RTCB: variants seen among roughly 807,000 people sequenced by gnomAD.
RTCB encodes the protein RNA 2',3'-cyclic phosphate and 5'-OH ligase.
RTCB carries 32 observed loss-of-function variants against 58.2 expected under a neutral mutation model. The ratio of observed to expected loss-of-function variants is 0.55; its 90% confidence interval spans 0.41 to 0.74. The LOEUF is 0.74. Among genes scored for constraint, RTCB ranks in the 30% least tolerant of loss-of-function variants. RTCB has a pLI of 0.00. For missense variants in RTCB, 523 were observed against 639.0 expected, an observed-to-expected ratio of 0.82 and a Z score of 1.96; for synonymous variants, 247 against 218.6, an observed-to-expected ratio of 1.13 and a Z score of -1.15.
intron 1 of RTCB, among the ~76,000 whole-genome samples, chr22:32,410,940 C>T (rs1276305260): frequency 6.6e-6 from 1 of 152,122 alleles, no homozygotes; most frequent in Non-Finnish European, 1.5e-5. Flanking sequence ...AAGTCCTAGG[C>T]ACAAAGGATC....
Position 32,396,221 on chromosome 22 carries a change from C to T in RTCB, c.843G>A (p.Met281Ile). 2 of 1,614,188 alleles carry T rather than the reference C, an allele frequency of 1.2e-6. No homozygotes were observed. The highest frequency in any genetic ancestry group is 1.1e-5 in the South Asian group (1 of 91,080). The change falls in exon 8 of 12, where the codon ATG (methionine) becomes ATA (isoleucine). Residue 281 changes from methionine (M) to isoleucine (I), a missense_variant. Met to Ile is a conservative substitution (Grantham distance 10). Transcript: ENST00000216038. ...TDALVAMEKA[M>I]KRDKIIVNDR... is the part of the protein sequence containing the mutation. ...CATTGACTATAATCTTGTCTCTCTTCATGGCCTTCTCCATAGCTACCAGCG... is the reference window on the plus strand; with the variant it reads ...CATTGACTATAATCTTGTCTCTCTTTATGGCCTTCTCCATAGCTACCAGCG...
intron 5 of RTCB, chr22:32,400,111 AAAC>A (rs149347623): frequency 0.031 from 5,361 of 171,454 alleles, 292 homozygotes; most frequent in African/African-American, 0.12. Flanking sequence ...ACAAAACAAA[AAAC>A]AACAACAACA....
chr22:32,398,283 C>T (rs1252615793), intron 6 of RTCB, among the ~76,000 whole-genome samples, 183 bp from the exon 7 acceptor site: 5 of 152,050 alleles, frequency 3.3e-5, no homozygotes, highest in Admixed American at 2.0e-4. Context: ...AACAAAATAA[C>T]GTAGACTAGC....
At chr22:32,402,025 G>T in intron 4 of RTCB, 122 bp from the exon 5 acceptor site, 2 of 1,074,844 alleles carry the variant, frequency 1.9e-6, no homozygotes, top group Non-Finnish European at 1.3e-6. Flanking sequence ...TTTTAAAGTA[G>T]ACAACAAAGT....
chr22:32,394,017 A>T lies in RTCB; in HGVS notation c.1180-15T>A, dbSNP rs761572342. 6.5e-7 allele frequency: 1 copy of T among 1,539,592 alleles called. No homozygotes were observed. Among genetic ancestry groups the T allele is most frequent in the East Asian group, 2.2e-5 (1 of 44,534 alleles). ...TGTCCAGTGAGCTGAGGATGCACAT[A>T]AATCAAACATGTTAAAATTCAGAAA... On this transcript the variant is annotated splice_polypyrimidine_tract_variant and intron_variant, in intron 9 of 11. Transcript: ENST00000216038.
chr22:32,393,449 G>A (rs1933189225), intron 10 of RTCB, among the ~76,000 whole-genome samples: 1 of 152,152 alleles, frequency 6.6e-6, no homozygotes, highest in Non-Finnish European at 1.5e-5. Flanking sequence ...TGTGTAGACT[G>A]TACATGGGCT....
rs147499354 is a variant in RTCB at position 32,412,009 on chromosome 22, C to A, written c.93+55G>T. ...GAGGTCCAGAGGGCGCAGTGGACGC[C>A]GGCCGGGCCGGGGACGGAGCACGGA... On this transcript the variant is annotated intron_variant, in intron 1 of 11. Coordinates refer to ENST00000216038, the MANE Select transcript of RTCB (RefSeq NM_014306.5). 3.3e-3 allele frequency: 4,754 copies of A among 1,438,656 alleles called. 37 individuals are homozygous for A. Among genetic ancestry groups the A allele is most frequent in the Middle Eastern group, 0.014 (73 of 5,160 alleles). 89.1% of individuals were successfully genotyped at this position (1,438,656 alleles called of 1,614,324 possible).
chr22:32,392,348 C>A lies in RTCB; in HGVS notation c.1302G>T (p.Leu434Phe). 6.2e-7 allele frequency: 1 copy of A among 1,613,876 alleles called. No individual in the cohort carries two copies. The highest frequency in any genetic ancestry group is 8.5e-7 in the Non-Finnish European group (1 of 1,179,924). Reference protein sequence around the residue: ...GTTCHGAGRALSRAKSRRNLD... With the variant: ...GTTCHGAGRAFSRAKSRRNLD... ...AATTACGTCGAGATTTTGCTCGGGA[C>A]AATGCACGGCCCTAGAATGGGAAAG... Residue 434 changes from leucine (L) to phenylalanine (F), a missense_variant, in exon 11 of 12, where the codon TTG becomes TTT. By Grantham distance (22) the Leu-to-Phe change is conservative. Transcript: ENST00000216038.
intron 11 of RTCB, among the ~76,000 whole-genome samples, chr22:32,390,713 G>A (rs1323487616): frequency 1.3e-5 from 2 of 152,164 alleles, no homozygotes; most frequent in Non-Finnish European, 2.9e-5. Flanking sequence ...CTCCCAAAAT[G>A]CTGGGATTAC....
rs753893374 is a variant in RTCB, at chr22:32,408,869, AC to A, written c.94-37del. The stretch of plus-strand genomic sequence containing the variant: ...GGAAAGTGAAAAGCAATGTCTGAGT[AC>A]ATGCGCGGCAAGTGTAGGCACTGGA... On this transcript the variant is annotated intron_variant, in intron 1 of 11. Coordinates refer to ENST00000216038, the MANE Select transcript of RTCB (RefSeq NM_014306.5). The A allele has an allele frequency of 2.7e-6, 4 of 1,463,222 alleles. No individual in the cohort carries two copies. The East Asian group carries it at 9.1e-5, about 33-fold the overall frequency. The allele number at this position is 1,463,222 out of a possible 1,614,324, so 90.6% of individuals were successfully genotyped here.
rs1031063008 is a variant in RTCB at position 32,395,117 on chromosome 22, A to G, written c.1088T>C (p.Val363Ala). Reference sequence around the variant, plus strand: ...TAACAGTGTCCGTTCCTTTCCGTCCACCACATGCTGCTCCACTTTGGCAAT... The same window carrying G: ...TAACAGTGTCCGTTCCTTTCCGTCCGCCACATGCTGCTCCACTTTGGCAAT... The part of the protein sequence containing the change: ...HNIAKVEQHV[V>A]DGKERTLLVH... The change falls in exon 9 of 12, where the codon GTG becomes GCG. Residue 363 changes from valine to alanine, a missense_variant. Coordinates refer to ENST00000216038, the MANE Select transcript of RTCB (RefSeq NM_014306.5). The G allele has an allele frequency of 1.2e-6, 2 of 1,614,190 alleles. No homozygotes were observed. Among genetic ancestry groups the G allele is most frequent in the African/African-American group, 1.3e-5 (1 of 75,044 alleles).
intron 11 of RTCB, 90 bp downstream of exon 11, chr22:32,392,150 G>A (rs1291953304): frequency 1.5e-6 from 2 of 1,363,260 alleles, no homozygotes; most frequent in Non-Finnish European, 2.0e-6. Flanking sequence ...ATTTCTGTTA[G>A]TAACACCCTA....
intron 3 of RTCB, chr22:32,407,549 T>A (rs1482626335): frequency 6.6e-6 from 1 of 152,382 alleles, no homozygotes; most frequent in East Asian, 1.9e-4. Flanking sequence ...CAAGCGAAAC[T>A]TACAATGAAA....
intron 11 of RTCB, among the ~76,000 whole-genome samples, chr22:32,390,985 GGACTACA>G (rs532918698): frequency 6.6e-6 from 1 of 152,180 alleles, no homozygotes; most frequent in South Asian, 2.1e-4. Flanking sequence ...TGAGTTGCTA[GGACTACA>G]CCTGGCTAAT....
At chr22:32,392,993 G>C (rs1159151698) in intron 10 of RTCB, among the ~76,000 whole-genome samples, 2 of 152,226 alleles carry the variant, frequency 1.3e-5, no homozygotes, top group Middle Eastern at 3.2e-3. Flanking sequence ...CTGGAGTGAA[G>C]TGACATAATC....
At chr22:32,394,691 G>A (rs1933214321) in intron 9 of RTCB, among the ~76,000 whole-genome samples, 1 of 152,156 alleles carries the variant, frequency 6.6e-6, no homozygotes, top group South Asian at 2.1e-4. Flanking sequence ...ACCACAGCCA[G>A]ACACCAAGAG....
chr22:32,403,840 C>A (rs1933378152), intron 4 of RTCB, among the ~76,000 whole-genome samples: 1 of 152,226 alleles, frequency 6.6e-6, no homozygotes, highest in African/African-American at 2.4e-5. Flanking sequence ...AACTGAAATT[C>A]TGTATACTCT....
At chr22:32,397,658 G>A (rs779583062) in intron 7 of RTCB, among the ~76,000 whole-genome samples, 1 of 152,138 alleles carries the variant, frequency 6.6e-6, no homozygotes, top group African/African-American at 2.4e-5. Flanking sequence ...ACTCATAAGA[G>A]TAAACATAAC....
chr22:32,392,512 G>T, intron 10 of RTCB, 153 bp from the exon 11 acceptor site: 1 of 996,324 alleles, frequency 1.0e-6, no homozygotes, highest in Non-Finnish European at 1.5e-6. Flanking sequence ...TATCCTTTTA[G>T]ATTTTGGACC....
Sources: allele counts gnomAD v4.1 joint callset (sites outside exome capture counted in the v4.1 genomes callset), GRCh38; gene constraint gnomAD v4.1.1; transcripts MANE v1.5; gene names NCBI Gene and HGNC (gene_info 2026-07-23, HGNC 2026-07-21).